Variants in PRKG2 observed in about 807,000 individuals in gnomAD.
PRKG2 encodes protein kinase cGMP-dependent 2.
In PRKG2, 33 loss-of-function variants were observed where a neutral mutation model predicts 97.2. That is an observed-to-expected ratio of 0.34 (90% CI 0.26 to 0.45). PRKG2 has a LOEUF of 0.45. PRKG2 is among the 20% of genes least tolerant of loss of function. PRKG2 has a pLI of 1.00. For missense variants in PRKG2, 638 were observed against 900.0 expected, an observed-to-expected ratio of 0.71 and a Z score of 3.73; for synonymous variants, 330 against 321.8, an observed-to-expected ratio of 1.03 and a Z score of -0.27.
At chr4:81,101,513 C>G (rs896655856) in intron 17 of PRKG2, among the ~76,000 whole-genome samples, 2 of 139,126 alleles carry the variant, frequency 1.4e-5, no homozygotes, top group Non-Finnish European at 3.0e-5. Flanking sequence ...GGGAATTGAA[C>G]AATGAGAACA....
At chr4:81,170,990 A>C (rs1393219228) in intron 4 of PRKG2, among the ~76,000 whole-genome samples, 1 of 151,800 alleles carries the variant, frequency 6.6e-6, no homozygotes, top group Admixed American at 6.6e-5. Flanking sequence ...AAACCTTTTT[A>C]TTTTTATTTT....
Position 81,214,549 on chromosome 4 carries a change from G to A in PRKG2, c.-14+387C>T, listed in dbSNP as rs1038323089. 2.0e-5 allele frequency among the ~76,000 whole-genome samples: 3 copies of A among 151,982 alleles called. No individual in the cohort carries two copies. The South Asian group carries it at 6.2e-4, about 32-fold the overall frequency. On this transcript the variant is annotated intron_variant, in intron 1 of 18. Coordinates refer to ENST00000264399, the MANE Select transcript of PRKG2 (RefSeq NM_006259.3). Reference sequence around the variant, plus strand: ...GTCCCCTAGCAACTACCCAGAGCTCGACGAAGCAAAGCCGGGAGCGCAAGC... The same window carrying A: ...GTCCCCTAGCAACTACCCAGAGCTCAACGAAGCAAAGCCGGGAGCGCAAGC...
intron 17 of PRKG2, among the ~76,000 whole-genome samples, chr4:81,094,293 A>T (rs1741896189): frequency 1.3e-5 from 2 of 152,176 alleles, no homozygotes; most frequent in African/African-American, 4.8e-5. Context: ...TAGAATGGAC[A>T]GATACATACA....
At chr4:81,115,053 G>A (rs906709997) in intron 14 of PRKG2, among the ~76,000 whole-genome samples, 1 of 151,960 alleles carries the variant, frequency 6.6e-6, no homozygotes, top group Non-Finnish European at 1.5e-5. Flanking sequence ...TGAAAGATGT[G>A]TGTTATTTCC....
In PRKG2 at chr4:81,171,798, C is replaced by T. The variant is rs1488021301; in HGVS notation, c.635G>A (p.Arg212Gln). The T allele has an allele frequency of 3.1e-6, 5 of 1,603,578 alleles. No homozygotes were observed. The highest frequency in any genetic ancestry group is 2.2e-5 in the East Asian group (1 of 44,724). ...GNHIFVLAEG[R>Q]LEVFQGEKLL... ...TTTCTCCCCTTGGAACACCTCTAGTCGACCCTCTATCAAGCAGAATTTTAA... is the reference window on the plus strand; with the variant it reads ...TTTCTCCCCTTGGAACACCTCTAGTTGACCCTCTATCAAGCAGAATTTTAA... The change falls in exon 4 of 19, where the codon CGA becomes CAA. Residue 212 changes from arginine to glutamine, a missense_variant. Transcript: ENST00000264399.
At chr4:81,116,381 T>C (rs1744522825) in intron 14 of PRKG2, among the ~76,000 whole-genome samples, 1 of 152,164 alleles carries the variant, frequency 6.6e-6, no homozygotes, top group African/African-American at 2.4e-5. Flanking sequence ...CTTTTTATGT[T>C]TGTGTAGTAT....
At chr4:81,124,338 T>C (rs888282856) in intron 14 of PRKG2, among the ~76,000 whole-genome samples, 1 of 152,224 alleles carries the variant, frequency 6.6e-6, no homozygotes, top group African/African-American at 2.4e-5. Flanking sequence ...TCTTAAGACT[T>C]TATGTTTGTT....
chr4:81,144,594 TTA>T (rs61559089), intron 9 of PRKG2, among the ~76,000 whole-genome samples: 18 of 131,292 alleles, frequency 1.4e-4, no homozygotes, highest in Admixed American at 3.5e-4. Context: ...GTATTTAAGG[TTA>T]TATATATATA....
chr4:81,137,327 T>C (rs1042025203), intron 13 of PRKG2, 66 bp downstream of exon 13: 6 of 1,128,684 alleles, frequency 5.3e-6, no homozygotes, highest in Non-Finnish European at 8.0e-6. Flanking sequence ...ATTTCCTCTA[T>C]GCCTTTTTTA....
chr4:81,177,423 C>T (rs1049975374), intron 2 of PRKG2, among the ~76,000 whole-genome samples: 11 of 152,072 alleles, frequency 7.2e-5, no homozygotes, highest in African/African-American at 1.4e-4. Context: ...TGGTAAGTTT[C>T]GGCCAGGCGC....
chr4:81,191,599 A>T (rs536413394), intron 2 of PRKG2, among the ~76,000 whole-genome samples: 6 of 152,254 alleles, frequency 3.9e-5, no homozygotes, highest in South Asian at 2.1e-4. Flanking sequence ...TAATAAAAAT[A>T]AAAAAAGAAT....
At chr4:81,131,124 G>A (rs574471753) in intron 14 of PRKG2, among the ~76,000 whole-genome samples, 8 of 152,320 alleles carry the variant, frequency 5.3e-5, no homozygotes, top group East Asian at 3.9e-4. Flanking sequence ...GTAGGCACCC[G>A]AGGGAATCTC....
chr4:81,176,296 T>A (rs1750921744), intron 2 of PRKG2, among the ~76,000 whole-genome samples: 1 of 152,130 alleles, frequency 6.6e-6, no homozygotes, highest in Admixed American at 6.5e-5. Flanking sequence ...CAAGAACAAA[T>A]CTTAGGTCTG....
intron 2 of PRKG2, among the ~76,000 whole-genome samples, chr4:81,200,925 G>A (rs1753268358): frequency 6.6e-6 from 1 of 152,130 alleles, no homozygotes; most frequent in Non-Finnish European, 1.5e-5. Context: ...TGGTCAGTAG[G>A]CACAAAGCCA....
At chr4:81,092,358 TA>T (rs764482715) in intron 18 of PRKG2, 27 bp downstream of exon 18, 115 of 1,442,862 alleles carry the variant, frequency 8.0e-5, no homozygotes, top group Admixed American at 1.1e-4. Flanking sequence ...GGGAAAAAAA[TA>T]AAAAAGTAAT....
chr4:81,183,555 C>T (rs1334284445), intron 2 of PRKG2, among the ~76,000 whole-genome samples: 2 of 152,198 alleles, frequency 1.3e-5, no homozygotes, highest in East Asian at 3.9e-4. Context: ...AAGCACAAAA[C>T]TGGGCGGCCA....
chr4:81,171,177 C>T (rs1750442125), intron 4 of PRKG2, among the ~76,000 whole-genome samples: 1 of 151,816 alleles, frequency 6.6e-6, no homozygotes, highest in Admixed American at 6.6e-5. Context: ...CACCCCTCCC[C>T]ATTGGGCTCC....
chr4:81,199,045 G>A (rs751855110), intron 2 of PRKG2, among the ~76,000 whole-genome samples: 9 of 151,910 alleles, frequency 5.9e-5, no homozygotes, highest in Non-Finnish European at 7.4e-5. Flanking sequence ...CTAAAGACCC[G>A]GGTTAAGACA....
Position 81,126,082 on chromosome 4 carries a change from T to C in PRKG2, c.1776+9073A>G, listed in dbSNP as rs556253689. 1.5e-3 allele frequency among the ~76,000 whole-genome samples: 229 copies of C among 152,290 alleles called. 1 individual carries two copies. Among genetic ancestry groups the C allele is most frequent in the Middle Eastern group, 3.4e-3 (1 of 294 alleles). On this transcript the variant is annotated intron_variant, in intron 14 of 18. Coordinates refer to ENST00000264399, the MANE Select transcript of PRKG2 (RefSeq NM_006259.3). ...TGTGATGTTCCCCTCCCTGGGTCCA[T>C]GTGCTCTCATCGTTCTACTCCCACT...
Sources: gnomAD v4.1 joint callset for allele counts (sites outside exome capture counted in the v4.1 genomes callset) on GRCh38, gnomAD v4.1.1 for gene constraint, MANE v1.5 for transcripts, NCBI Gene and HGNC (gene_info 2026-07-23, HGNC 2026-07-21) for gene names.